The following P2RX3 variants were observed in gnomAD, a reference collection of about 807,000 sequenced individuals.
P2RX3 encodes P2X purinoceptor 3.
Under a neutral mutation model 51.5 loss-of-function variants are expected in P2RX3, and 41 were observed. The observed-to-expected ratio is 0.80, with a 90% CI of 0.62 to 1.03. P2RX3 has a LOEUF of 1.03. Ranked by LOEUF, P2RX3 falls within the 50% of genes least tolerant of loss-of-function variation. The pLI is 0.00. For missense variants in P2RX3, 459 were observed against 522.1 expected (o/e 0.88, Z 1.18); for synonymous variants, 185 against 191.6 (o/e 0.97, Z 0.29).
At chr11:57,339,699 G>A (rs1856302664) in intron 1 of P2RX3, among the ~76,000 whole-genome samples, 1 of 152,190 alleles carries the variant, frequency 6.6e-6, no homozygotes, top group Non-Finnish European at 1.5e-5. Context: ...TGTTCTTTCA[G>A]ACAATGGGTC....
At chr11:57,351,291 T>A (rs1440498223) in intron 8 of P2RX3, among the ~76,000 whole-genome samples, 2 of 152,226 alleles carry the variant, frequency 1.3e-5, no homozygotes, top group Non-Finnish European at 2.9e-5. Context: ...GGTTTCTCGC[T>A]CTACAAAGTA....
At chr11:57,357,868 A>C (rs1203238371) in intron 8 of P2RX3, among the ~76,000 whole-genome samples, 2 of 152,170 alleles carry the variant, frequency 1.3e-5, no homozygotes, top group African/African-American at 4.8e-5. Context: ...TGGCAAAATT[A>C]CTTCCCACCA....
chr11:57,353,477 A>T (rs751734550), intron 8 of P2RX3, among the ~76,000 whole-genome samples: 23 of 152,228 alleles, frequency 1.5e-4, no homozygotes, highest in Non-Finnish European at 2.9e-4. Flanking sequence ...CACCCCAGCC[A>T]GGAAGACTAG....
chr11:57,355,787 G>A (rs954749719), intron 8 of P2RX3, among the ~76,000 whole-genome samples: 3 of 152,164 alleles, frequency 2.0e-5, no homozygotes, highest in Admixed American at 1.3e-4. Flanking sequence ...CATCTGGGAC[G>A]GTTTAATGAG....
At chr11:57,369,776 C>T in intron 11 of P2RX3, 108 bp from the exon 12 acceptor site, 1 of 780,934 alleles carries the variant, frequency 1.3e-6, no homozygotes, top group Non-Finnish European at 2.2e-6. Context: ...TCCTGGCTCC[C>T]CTCATGACTA....
At chr11:57,369,340 G>A (rs200290527) in intron 10 of P2RX3, 21 bp from the exon 11 acceptor site, 64 of 1,606,274 alleles carry the variant, frequency 4.0e-5, no homozygotes, top group East Asian at 2.7e-4. Context: ...CTCGGAGCCC[G>A]CCCTGCCTCT....
At chr11:57,348,068 C>G in intron 4 of P2RX3, 102 bp from the exon 5 acceptor site, 1 of 1,073,076 alleles carries the variant, frequency 9.3e-7, no homozygotes, top group Non-Finnish European at 1.3e-6. Flanking sequence ...CTCTTTTCCC[C>G]CACTTGCCAG....
In P2RX3 at chr11:57,369,269, G is replaced by A. The variant is rs1856843699; in HGVS notation, c.1003-92G>A. On this transcript the variant is annotated intron_variant, in intron 10 of 11. Transcript: ENST00000263314. ...GTCCTGCCCACTGTTTAGGCAGCTT[G>A]GGGGTGCTGCCCGAGCCCAGCACTT... 2.8e-6 allele frequency: 3 copies of A among 1,064,710 alleles called. No individual in the cohort carries two copies. In the East Asian group the frequency reaches 7.5e-5, roughly 27 times the overall value. The allele number at this position is 1,064,710 out of a possible 1,614,324, so 66.0% of individuals were successfully genotyped here. A position where few individuals can be genotyped will look rare whatever the true frequency, so the allele number is the denominator to read the frequency against.
chr11:57,337,350 GAA>G (rs11339711), upstream of P2RX3, among the ~76,000 whole-genome samples: 2,762 of 73,480 alleles, frequency 0.038, 141 homozygotes, highest in African/African-American at 0.15. Flanking sequence ...AGGAAAGAAA[GAA>G]AAAAAAAAAA....
chr11:57,363,355 T>C (rs904112379), intron 8 of P2RX3, among the ~76,000 whole-genome samples: 1 of 152,118 alleles, frequency 6.6e-6, no homozygotes, highest in African/African-American at 2.4e-5. Flanking sequence ...TTCAGTGGCT[T>C]AATGTGAAGG....
At chr11:57,353,960 G>A (rs899964866) in intron 8 of P2RX3, among the ~76,000 whole-genome samples, 5 of 151,666 alleles carry the variant, frequency 3.3e-5, no homozygotes, top group African/African-American at 1.2e-4. Flanking sequence ...TACAGATGAG[G>A]AAGCGGAAGT....
rs1271829347 is a variant in P2RX3, at chr11:57,350,894, T to G, written c.838T>G (p.Phe280Val). Residue 280 changes from phenylalanine (F) to valine (V), a missense_variant, in exon 8 of 12, where the codon TTC becomes GTC. By Grantham distance (50) the Phe-to-Val change is conservative (BLOSUM62 -1). Transcript: ENST00000263314. ...AAGCAGCGTGTCCCCAGGCTACAAC[T>G]TCAGGTAATTCCCTGTCTCCTGGGA... ...EKSSVSPGYN[F>V]RFAKYYKMEN... 6.2e-7 allele frequency: 1 copy of G among 1,614,058 alleles called. No homozygotes were observed. Among genetic ancestry groups the G allele is most frequent in the Non-Finnish European group, 8.5e-7 (1 of 1,180,002 alleles).
intron 4 of P2RX3, 96 bp from the exon 5 acceptor site, chr11:57,348,074 G>C: frequency 1.8e-6 from 2 of 1,126,102 alleles, no homozygotes; most frequent in South Asian, 3.2e-5. Context: ...TCCCCCACTT[G>C]CCAGGGTCCC....
At chr11:57,369,516 C>T (rs1360889128) in intron 11 of P2RX3, 78 bp downstream of exon 11, 3 of 1,375,336 alleles carry the variant, frequency 2.2e-6, no homozygotes, top group Non-Finnish European at 3.0e-6. Flanking sequence ...TCAGTGGCTC[C>T]CCTTCTGAGG....
chr11:57,351,576 C>A (rs1342973224), intron 8 of P2RX3, among the ~76,000 whole-genome samples: 3 of 152,190 alleles, frequency 2.0e-5, no homozygotes, highest in Non-Finnish European at 4.4e-5. Flanking sequence ...CTTGAACAAG[C>A]CATTTGTCTT....
chr11:57,358,208 G>A (rs1261280825), intron 8 of P2RX3, among the ~76,000 whole-genome samples: 1 of 152,192 alleles, frequency 6.6e-6, no homozygotes. Flanking sequence ...GCTATCCAAA[G>A]CTAAATTTGG....
At chr11:57,353,842 C>T (rs868424186) in intron 8 of P2RX3, among the ~76,000 whole-genome samples, 1 of 131,384 alleles carries the variant, frequency 7.6e-6, no homozygotes, top group Non-Finnish European at 1.6e-5. Context: ...GTCACTCCCC[C>T]CCCCCCGCCC....
At chr11:57,343,318 G>A (rs1856375802) in intron 1 of P2RX3, among the ~76,000 whole-genome samples, 2 of 152,208 alleles carry the variant, frequency 1.3e-5, no homozygotes, top group Non-Finnish European at 2.9e-5. Flanking sequence ...TTCCTCCTGA[G>A]ACTTTCCTAA....
intron 8 of P2RX3, among the ~76,000 whole-genome samples, chr11:57,363,933 G>T (rs1856758777): frequency 6.6e-6 from 1 of 152,224 alleles, no homozygotes; most frequent in South Asian, 2.1e-4. Context: ...CCTCTTGGAA[G>T]GCAGGTGCTG....
Sources: gnomAD v4.1 joint callset for allele counts (sites outside exome capture counted in the v4.1 genomes callset) on GRCh38, gnomAD v4.1.1 for gene constraint, MANE v1.5 for transcripts, NCBI Gene and HGNC (gene_info 2026-07-23, HGNC 2026-07-21) for gene names.